The following ETV7 variants were observed in gnomAD, a reference collection of about 807,000 sequenced individuals.
The protein encoded by ETV7 is ETS variant transcription factor 7, also known as transcription factor ETV7.
In ETV7, 43 loss-of-function variants were observed where a neutral mutation model predicts 39.1. The ratio of observed to expected loss-of-function variants is 1.10; its 90% CI spans 0.86 to 1.42. The LOEUF (loss-of-function observed/expected upper bound fraction) is 1.42. ETV7 is among the 40% of genes most tolerant of loss of function. The pLI, the probability that ETV7 is intolerant of heterozygous loss-of-function variation, is 0.00. For synonymous variants in ETV7, 196 were observed against 176.6 expected (o/e 1.11, Z -0.87); for missense variants, 432 against 442.3 (o/e 0.98, Z 0.21).
At chr6:36,363,050 T>C (rs1772560098), downstream of ETV7, among the ~76,000 whole-genome samples, 1 of 152,178 alleles carries the variant, frequency 6.6e-6, no homozygotes, top group Non-Finnish European at 1.5e-5. Context: ...GCAGTTCCCT[T>C]CTCTGTAAAA....
exon 8 of ETV7, chr6:36,354,621 G>A: frequency 1.4e-6 from 1 of 693,944 alleles, no homozygotes; most frequent in Non-Finnish European, 2.6e-6. Flanking sequence ...TTCTTTCCAA[G>A]ACTGTTTTGG....
At chr6:36,357,819 A>G (rs1021096804) in intron 7 of ETV7, among the ~76,000 whole-genome samples, 1 of 152,176 alleles carries the variant, frequency 6.6e-6, no homozygotes, top group African/African-American at 2.4e-5. Context: ...TGGAGGTTGC[A>G]GTGAGCCAAA....
downstream of ETV7, among the ~76,000 whole-genome samples, chr6:36,364,386 A>C (rs1204828431): frequency 6.6e-6 from 1 of 152,236 alleles, no homozygotes; most frequent in Non-Finnish European, 1.5e-5. Flanking sequence ...GCAGGAAGGC[A>C]GCTAAGGCCC....
downstream of ETV7, among the ~76,000 whole-genome samples, chr6:36,362,248 GC>G (rs1453460706): frequency 6.6e-6 from 1 of 152,034 alleles, no homozygotes; most frequent in Non-Finnish European, 1.5e-5. Context: ...CTTGCAGCGA[GC>G]CGAGATCGCG....
intron 7 of ETV7, among the ~76,000 whole-genome samples, chr6:36,360,081 C>T (rs1285645749): frequency 2.0e-5 from 3 of 152,112 alleles, no homozygotes; most frequent in Admixed American, 2.0e-4. Context: ...TTAGTAGAGA[C>T]GGAGTTTCAC....
chr6:36,387,285 C>G (rs1773957242), intron 1 of ETV7, among the ~76,000 whole-genome samples: 1 of 152,054 alleles, frequency 6.6e-6, no homozygotes, highest in East Asian at 1.9e-4. Context: ...GGAAAGGGCC[C>G]GCAGGGGCTG....
downstream of ETV7, among the ~76,000 whole-genome samples, chr6:36,363,524 G>T (rs978760674): frequency 6.6e-6 from 1 of 152,236 alleles, no homozygotes; most frequent in Non-Finnish European, 1.5e-5. Flanking sequence ...TGAAGCTGCA[G>T]ATCTTCGCAC....
chr6:36,379,560 A>AAAAGAAG (rs1554148817), intron 2 of ETV7, among the ~76,000 whole-genome samples: 1 of 143,808 alleles, frequency 7.0e-6, no homozygotes, highest in African/African-American at 2.6e-5. Context: ...AAAAAAAAAA[A>AAAAGAAG]AAGAAGAAGA....
At position 36,371,358 on chromosome 6, in the gene ETV7, C is replaced by T. The variant is rs1406719591; in HGVS notation, c.636G>A (p.Pro212=). 7 of 1,594,966 alleles carry T rather than the reference C, an allele frequency of 4.4e-6. No individual in the cohort carries two copies. Among genetic ancestry groups the T allele is most frequent in the Middle Eastern group, 1.7e-4 (1 of 6,036 alleles). ...CGATCCTGCCGTCAATGGGGGCCTG[C>T]GGCATCGCGGGGAAGGAACAGACCC... ...TQGVCSFPAM[P]QAPIDGRIAD... The change falls in exon 5 of 8, where the codon CCG becomes CCA. Residue 212 remains proline, a synonymous_variant. Transcript: ENST00000340181.
rs1772731923 is a variant in ETV7 at position 36,366,640 on chromosome 6, G to T, written c.*5C>A. ...GGTACCGGGTGCCTGGAGTCCACCT[G>T]CCCCTCACGGAGAGATTTCTGGCCT... On this transcript the variant is annotated 3_prime_UTR_variant, in exon 8 of 8. Coordinates refer to ENST00000340181, the MANE Select transcript of ETV7 (RefSeq NM_016135.4). 1.2e-6 allele frequency: 2 copies of T among 1,614,136 alleles called. No individual in the cohort carries two copies. The highest frequency in any genetic ancestry group is 1.7e-6 in the Non-Finnish European group (2 of 1,180,014).
chr6:36,387,498 C>G, intron 1 of ETV7, 38 bp downstream of exon 1: 1 of 1,613,990 alleles, frequency 6.2e-7, no homozygotes. Flanking sequence ...GCAGGTGGCT[C>G]TGCGTGCGCG....
downstream of ETV7, among the ~76,000 whole-genome samples, chr6:36,362,887 A>C (rs1326294571): frequency 6.6e-6 from 1 of 152,166 alleles, no homozygotes; most frequent in Non-Finnish European, 1.5e-5. Context: ...GCAGGCAAAC[A>C]CCACTTATAA....
rs754630075 is a variant in ETV7, at chr6:36,369,049, G to A, written c.687C>T (p.Tyr229=). Residue 229 remains tyrosine (Y), a synonymous_variant, in exon 6 of 8, where the codon TAC becomes TAT. Coordinates refer to ENST00000340181, the MANE Select transcript of ETV7 (RefSeq NM_016135.4). The part of the protein sequence containing the change: ...RIADCRLLWD[Y]VYQLLLDTRY... Reference sequence around the variant, plus strand: ...GGGTATCAAGGAGCAGCTGATACACGTAATCCCACAGCAGGCGGCAGTCTG... The same window carrying A: ...GGGTATCAAGGAGCAGCTGATACACATAATCCCACAGCAGGCGGCAGTCTG... 28 of 1,614,032 alleles carry A rather than the reference G, an allele frequency of 1.7e-5. No homozygotes were observed. The highest frequency in any genetic ancestry group is 1.5e-4 in the African/African-American group (11 of 74,900).
At chr6:36,377,691 T>A (rs1773445181) in intron 2 of ETV7, among the ~76,000 whole-genome samples, 1 of 152,218 alleles carries the variant, frequency 6.6e-6, no homozygotes, top group Non-Finnish European at 1.5e-5. Context: ...ATCTGCATCT[T>A]TCCTTGTTCA....
At chr6:36,356,846 T>C (rs1772355500) in intron 7 of ETV7, among the ~76,000 whole-genome samples, 1 of 152,180 alleles carries the variant, frequency 6.6e-6, no homozygotes, top group Non-Finnish European at 1.5e-5. Context: ...GATTAAGGCA[T>C]TGTCCTGTGA....
rs112097296 is a variant in ETV7, at chr6:36,366,971, C to T, written c.812G>A (p.Arg271Gln). ...LARLWGNHKN[R>Q]VNMTYEKMSR... ...CATCTTCTCGTAGGTCATGTTCACC[C>T]GGTTCTGGAAAGCAAAGCAGCCCCA... The change falls in exon 7 of 8, where the codon CGG (arginine) becomes CAG (glutamine). Residue 271 changes from arginine to glutamine, a missense_variant. Arg to Gln is a conservative substitution (Grantham distance 43). Coordinates refer to ENST00000340181, the MANE Select transcript of ETV7 (RefSeq NM_016135.4). The T allele has an allele frequency of 2.9e-5, 47 of 1,613,942 alleles. No homozygotes were observed. The highest frequency in any genetic ancestry group is 1.5e-4 in the African/African-American group (11 of 74,972).
At chr6:36,382,376 TA>T (rs1426385008) in intron 2 of ETV7, among the ~76,000 whole-genome samples, 1 of 152,144 alleles carries the variant, frequency 6.6e-6, no homozygotes, top group Admixed American at 6.5e-5. Flanking sequence ...TGAAAATAAA[TA>T]AAATGTGGTT....
In ETV7 at chr6:36,387,292, G is replaced by A. The variant is rs533178134; in HGVS notation, c.6+244C>T. Among the ~76,000 whole-genome samples the A allele has an allele frequency of 1.8e-4, 28 of 152,332 alleles. No individual in the cohort carries two copies. In the South Asian group the frequency reaches 5.6e-3, roughly 30 times the overall value. Reference sequence around the variant, plus strand: ...GGGGCTGCGGAAAGGGCCCGCAGGGGCTGTGCGTGATGCCTTCAGAGCTGT... The same window carrying A: ...GGGGCTGCGGAAAGGGCCCGCAGGGACTGTGCGTGATGCCTTCAGAGCTGT... On this transcript the variant is annotated intron_variant, in intron 1 of 7. Coordinates refer to ENST00000340181, the MANE Select transcript of ETV7 (RefSeq NM_016135.4).
At chr6:36,374,297 A>G (rs940205078) in intron 3 of ETV7, among the ~76,000 whole-genome samples, 2 of 152,098 alleles carry the variant, frequency 1.3e-5, no homozygotes, top group Non-Finnish European at 2.9e-5. Context: ...GTTGAGGCAC[A>G]AGTGAGCTGT....
Sources: allele counts gnomAD v4.1 joint callset (sites outside exome capture counted in the v4.1 genomes callset), GRCh38; gene constraint gnomAD v4.1.1; transcripts MANE v1.5; gene names NCBI Gene and HGNC (gene_info 2026-07-23, HGNC 2026-07-21).